TENM4: variants seen among roughly 807,000 people sequenced by gnomAD.
TENM4 encodes teneurin-4.
TENM4 carries 82 observed loss-of-function variants against 243.3 expected under a neutral mutation model. The observed-to-expected ratio is 0.34, with a 90% confidence interval of 0.28 to 0.40. TENM4 has a LOEUF of 0.40. Ranked by LOEUF, TENM4 falls within the 10% of genes least tolerant of loss-of-function variation. The pLI, the probability that TENM4 is intolerant of heterozygous loss-of-function variation, is 1.00. For synonymous variants in TENM4, 1,412 were observed against 1,456.3 expected (o/e 0.97, Z 0.69); for missense variants, 3,138 against 3,673.3 (o/e 0.85, Z 3.77).
intron 15 of TENM4, among the ~76,000 whole-genome samples, chr11:78,799,193 G>C (rs1453566394): frequency 6.6e-6 from 1 of 152,180 alleles, no homozygotes; most frequent in African/African-American, 2.4e-5. Context: ...GTGGGCCACT[G>C]ACCTAGTTGT....
intron 6 of TENM4, among the ~76,000 whole-genome samples, chr11:78,948,668 G>A (rs1857055863): frequency 6.6e-6 from 1 of 152,076 alleles, no homozygotes; most frequent in Non-Finnish European, 1.5e-5. Context: ...ACTGCGCCCG[G>A]CCCCCAACTG....
chr11:79,218,085 T>A (rs947597714), intron 2 of TENM4, among the ~76,000 whole-genome samples: 2 of 152,220 alleles, frequency 1.3e-5, no homozygotes, highest in Non-Finnish European at 2.9e-5. Flanking sequence ...AAAATCCTTA[T>A]AAATCATTAT....
chr11:79,299,071 CACACACACACACACAT>C (rs1181601070), intron 1 of TENM4, among the ~76,000 whole-genome samples: 2 of 151,704 alleles, frequency 1.3e-5, no homozygotes, highest in East Asian at 1.9e-4. Flanking sequence ...TCCACACACA[CACACACACACACACAT>C]ACACACACAC....
At chr11:78,685,517 G>A (rs1858643800) in intron 29 of TENM4, among the ~76,000 whole-genome samples, 1 of 152,124 alleles carries the variant, frequency 6.6e-6, no homozygotes, top group Non-Finnish European at 1.5e-5. Flanking sequence ...TTTTGAAATT[G>A]GAATGTGTCC....
intron 3 of TENM4, among the ~76,000 whole-genome samples, chr11:79,173,068 C>T (rs1418041507): frequency 6.6e-6 from 1 of 152,220 alleles, no homozygotes; most frequent in Non-Finnish European, 1.5e-5. Context: ...CAGCTCTCTA[C>T]TGTACCAAGA....
chr11:79,065,027 A>T lies in TENM4; in HGVS notation c.224-20T>A. ...TGGCACCTGGGAGGAAACACAGGTG[A>T]ACTTGGTTAGGGCACTGAGATGAGG... On this transcript the variant is annotated intron_variant, in intron 5 of 33. Transcript: ENST00000278550. 6.9e-7 allele frequency: 1 copy of T among 1,453,710 alleles called. No individual in the cohort carries two copies. The highest frequency in any genetic ancestry group is 1.5e-5 in the South Asian group (1 of 68,266). 90.1% of individuals were successfully genotyped at this position (1,453,710 alleles called of 1,614,324 possible).
intron 3 of TENM4, among the ~76,000 whole-genome samples, chr11:79,150,468 T>C (rs1268004353): frequency 6.6e-6 from 1 of 152,174 alleles, no homozygotes; most frequent in Non-Finnish European, 1.5e-5. Context: ...TCCCCTGTCC[T>C]GCCCCCAAGT....
chr11:79,177,697 G>A (rs928261994), intron 3 of TENM4, among the ~76,000 whole-genome samples: 2 of 152,128 alleles, frequency 1.3e-5, no homozygotes, highest in South Asian at 2.1e-4. Flanking sequence ...AGGGAATGGG[G>A]CAGCTATCCC....
chr11:79,064,791 C>T lies in TENM4; in HGVS notation c.440G>A (p.Arg147Gln), dbSNP rs370511760. The T allele has an allele frequency of 3.8e-4, 597 of 1,551,634 alleles. 1 individual carries two copies. Among genetic ancestry groups the T allele is most frequent in the Non-Finnish European group, 5.0e-4 (578 of 1,146,986 alleles). ...RSGRSSCLSS[R>Q]ANSNLTLTDT... ...GGTGAGTGTGAGATTGGAATTGGCC[C>T]GGCTGGACAGGCAGGAGCTGCGCCC... The change falls in exon 6 of 34, where the codon CGG becomes CAG. Residue 147 changes from arginine to glutamine, a missense_variant. Physicochemically the swap from Arg to Gln is conservative, Grantham distance 43. Transcript: ENST00000278550.
At chr11:79,235,871 CT>C (rs895885345) in intron 2 of TENM4, among the ~76,000 whole-genome samples, 34 of 147,866 alleles carry the variant, frequency 2.3e-4, no homozygotes, top group Non-Finnish European at 3.5e-4. Context: ...AGAATGAGGA[CT>C]TTTTTTTTTA....
chr11:78,782,483 G>C (rs1856857592), intron 16 of TENM4, among the ~76,000 whole-genome samples: 2 of 152,180 alleles, frequency 1.3e-5, no homozygotes, highest in Admixed American at 6.5e-5. Context: ...TGTGATCCCG[G>C]CTACTTGGGA....
At chr11:79,210,194 C>A (rs1255764742) in intron 3 of TENM4, among the ~76,000 whole-genome samples, 2 of 152,206 alleles carry the variant, frequency 1.3e-5, no homozygotes, top group East Asian at 1.9e-4. Flanking sequence ...ACTCCTTTGA[C>A]TTCCCAGTTC....
At chr11:79,214,271 A>G (rs1015173871) in intron 3 of TENM4, among the ~76,000 whole-genome samples, 1 of 152,216 alleles carries the variant, frequency 6.6e-6, no homozygotes, top group Non-Finnish European at 1.5e-5. Flanking sequence ...CTGGGATTAC[A>G]GGCTTGAGCC....
intron 1 of TENM4, among the ~76,000 whole-genome samples, chr11:79,327,817 C>T (rs375662329): frequency 4.6e-5 from 7 of 152,102 alleles, no homozygotes; most frequent in Admixed American, 2.6e-4. Context: ...GAGGCAACTC[C>T]ACCATTGTCT....
chr11:79,105,647 G>C (rs144814920), intron 4 of TENM4, among the ~76,000 whole-genome samples: 3,293 of 152,320 alleles, frequency 0.022, 117 homozygotes, highest in African/African-American at 0.075. Context: ...TGCCAAATGA[G>C]GCAGGCTGGT....
At chr11:79,045,612 CG>C (rs539844384) in intron 6 of TENM4, among the ~76,000 whole-genome samples, 20 of 152,134 alleles carry the variant, frequency 1.3e-4, no homozygotes, top group Non-Finnish European at 2.5e-4. Flanking sequence ...CAGAGGAGCC[CG>C]GCTTGGAGGC....
At chr11:79,312,200 G>A (rs999182547) in intron 1 of TENM4, among the ~76,000 whole-genome samples, 28 of 152,132 alleles carry the variant, frequency 1.8e-4, no homozygotes, top group Admixed American at 1.2e-3. Flanking sequence ...ACTTCCTGCC[G>A]TGTAGAGTAG....
chr11:78,666,421 A>C (rs1858161542), intron 32 of TENM4, among the ~76,000 whole-genome samples: 1 of 152,220 alleles, frequency 6.6e-6, no homozygotes, highest in Non-Finnish European at 1.5e-5. Context: ...CTAGTCAAAG[A>C]AATTTGAGAA....
chr11:79,153,549 C>G (rs1368846917), intron 3 of TENM4, among the ~76,000 whole-genome samples: 2 of 152,108 alleles, frequency 1.3e-5, no homozygotes, highest in African/African-American at 2.4e-5. Context: ...CTCTCACACC[C>G]CTACCAAAAC....
Sources: gnomAD v4.1 joint callset for allele counts (sites outside exome capture counted in the v4.1 genomes callset) on GRCh38, gnomAD v4.1.1 for gene constraint, MANE v1.5 for transcripts, NCBI Gene and HGNC (gene_info 2026-07-23, HGNC 2026-07-21) for gene names.